MAML2: variants seen among roughly 807,000 people sequenced by gnomAD.
MAML2 encodes mastermind like transcriptional coactivator 2.
A neutral mutation model predicts 96.1 loss-of-function variants in MAML2; 22 were observed. The observed-to-expected ratio is 0.23, with a 90% CI of 0.16 to 0.33. MAML2 has a LOEUF of 0.33. MAML2 is among the 10% of genes least tolerant of loss of function. The pLI is 1.00. For missense variants in MAML2, 1,367 were observed against 1,392.4 expected (o/e 0.98, Z 0.29); for synonymous variants, 561 against 521.3 (o/e 1.08, Z -1.04).
intron 1 of MAML2, among the ~76,000 whole-genome samples, chr11:96,236,036 C>T (rs1378558753): frequency 5.9e-5 from 9 of 152,334 alleles, no homozygotes; most frequent in Middle Eastern, 3.4e-3. Flanking sequence ...CCTCCTCTGT[C>T]GCTCTGGGAC....
At chr11:96,169,886 C>G (rs1389456431) in intron 1 of MAML2, among the ~76,000 whole-genome samples, 1 of 152,218 alleles carries the variant, frequency 6.6e-6, no homozygotes, top group Admixed American at 6.5e-5. Context: ...ATCTTTTGAC[C>G]TCGTGATCTG....
At chr11:96,036,361 A>G (rs1287086031) in intron 2 of MAML2, among the ~76,000 whole-genome samples, 2 of 152,184 alleles carry the variant, frequency 1.3e-5, no homozygotes, top group African/African-American at 4.8e-5. Flanking sequence ...TTCCTCTAAC[A>G]ACTAGGAGAG....
At chr11:96,035,347 G>A (rs536709738) in intron 2 of MAML2, among the ~76,000 whole-genome samples, 14 of 152,268 alleles carry the variant, frequency 9.2e-5, no homozygotes, top group South Asian at 4.1e-4. Context: ...AAAGTAGTGC[G>A]TGTTTTAGGT....
chr11:96,140,360 G>A (rs1176137467), intron 1 of MAML2, among the ~76,000 whole-genome samples: 1 of 152,214 alleles, frequency 6.6e-6, no homozygotes, highest in East Asian at 1.9e-4. Context: ...CCAGATAGAT[G>A]AGAAAGAAAA....
chr11:95,980,360 T>C (rs1230415385), intron 4 of MAML2, among the ~76,000 whole-genome samples: 1 of 152,072 alleles, frequency 6.6e-6, no homozygotes, highest in Non-Finnish European at 1.5e-5. Flanking sequence ...TTACCCCAGG[T>C]CCAAATGAGA....
At chr11:96,158,243 A>C (rs1861044093) in intron 1 of MAML2, among the ~76,000 whole-genome samples, 1 of 152,192 alleles carries the variant, frequency 6.6e-6, no homozygotes, top group Non-Finnish European at 1.5e-5. Flanking sequence ...AAAGAGTCCT[A>C]ATTCTCATAG....
At chr11:96,151,984 A>T (rs539997303) in intron 1 of MAML2, among the ~76,000 whole-genome samples, 105 of 152,344 alleles carry the variant, frequency 6.9e-4, no homozygotes, top group African/African-American at 2.4e-3. Context: ...TGGGAGGCCA[A>T]GGCAAGAGGG....
At chr11:96,197,468 CATGCTTCA>C (rs1284830832) in intron 1 of MAML2, among the ~76,000 whole-genome samples, 1 of 152,218 alleles carries the variant, frequency 6.6e-6, no homozygotes, top group African/African-American at 2.4e-5. Context: ...AATTGTTTCA[CATGCTTCA>C]ATCCTGCCAC....
intron 1 of MAML2, among the ~76,000 whole-genome samples, chr11:96,104,524 G>C (rs2135825178): frequency 6.6e-6 from 1 of 152,304 alleles, no homozygotes; most frequent in South Asian, 2.1e-4. Flanking sequence ...AGTAGAGGGA[G>C]CCTGAAGTGG....
intron 1 of MAML2, among the ~76,000 whole-genome samples, chr11:96,266,111 C>T (rs1003783192): frequency 6.6e-6 from 1 of 152,138 alleles, no homozygotes; most frequent in Non-Finnish European, 1.5e-5. Context: ...GTTGGAGCCC[C>T]ACAGCCTGCC....
intron 1 of MAML2, among the ~76,000 whole-genome samples, chr11:96,157,042 C>G (rs1424929530): frequency 1.3e-5 from 2 of 152,162 alleles, no homozygotes. Context: ...GTTTCCCTGG[C>G]AGTGCTGAGA....
intron 1 of MAML2, among the ~76,000 whole-genome samples, chr11:96,286,899 C>G (rs1863148315): frequency 6.6e-6 from 1 of 152,162 alleles, no homozygotes; most frequent in Admixed American, 6.5e-5. Context: ...ACATGGTCAC[C>G]ATATCAGCCG....
chr11:96,185,731 G>A (rs1320575831), intron 1 of MAML2, among the ~76,000 whole-genome samples: 2 of 152,206 alleles, frequency 1.3e-5, no homozygotes, highest in Admixed American at 1.3e-4. Context: ...AAATTTGAAT[G>A]TGCATATGGA....
intron 1 of MAML2, among the ~76,000 whole-genome samples, chr11:96,275,235 T>G (rs1407049171): frequency 6.6e-6 from 1 of 151,784 alleles, no homozygotes; most frequent in South Asian, 2.1e-4. Context: ...ATATCCTAAC[T>G]TTTGCATTTT....
intron 1 of MAML2, among the ~76,000 whole-genome samples, chr11:96,268,282 C>T (rs1256579808): frequency 4.6e-5 from 7 of 151,980 alleles, no homozygotes; most frequent in African/African-American, 1.7e-4. Context: ...CGAGAGCAGC[C>T]TGGGCAACAT....
At chr11:96,232,614 C>T (rs1052563949) in intron 1 of MAML2, among the ~76,000 whole-genome samples, 107 of 152,246 alleles carry the variant, frequency 7.0e-4, no homozygotes, top group African/African-American at 2.5e-3. Context: ...GGACTACAGG[C>T]GCCCGCCACC....
At chr11:96,212,926 G>A (rs1185284776) in intron 1 of MAML2, among the ~76,000 whole-genome samples, 1 of 152,028 alleles carries the variant, frequency 6.6e-6, no homozygotes, top group Admixed American at 6.6e-5. Flanking sequence ...AATGAACTTG[G>A]GTAAGACACT....
chr11:96,032,009 A>G (rs1450803596), intron 2 of MAML2, among the ~76,000 whole-genome samples: 1 of 151,988 alleles, frequency 6.6e-6, no homozygotes, highest in Admixed American at 6.5e-5. Context: ...ATAAAAATAA[A>G]TAAAAAATTA....
chr11:96,119,604 G>A (rs1860300851), intron 1 of MAML2, among the ~76,000 whole-genome samples: 1 of 152,198 alleles, frequency 6.6e-6, no homozygotes, highest in African/African-American at 2.4e-5. Context: ...AACTAATACA[G>A]TCACAGTTTA....
Sources: gnomAD v4.1 joint callset for allele counts (sites outside exome capture counted in the v4.1 genomes callset) on GRCh38, gnomAD v4.1.1 for gene constraint, MANE v1.5 for transcripts, NCBI Gene and HGNC (gene_info 2026-07-23, HGNC 2026-07-21) for gene names.